HSPA4L: variants seen among roughly 807,000 people sequenced by gnomAD.
The protein encoded by HSPA4L is heat shock 70 kDa protein 4L.
A neutral mutation model predicts 100.3 loss-of-function variants in HSPA4L; 48 were observed. The observed-to-expected ratio is 0.48, with a 90% CI of 0.38 to 0.61. The LOEUF is 0.61. HSPA4L is among the 20% of genes least tolerant of loss of function. HSPA4L has a pLI of 0.00. For missense variants in HSPA4L, 886 were observed against 988.6 expected (o/e 0.90, Z 1.39); for synonymous variants, 319 against 328.2 (o/e 0.97, Z 0.30).
intron 12 of HSPA4L, chr4:127,813,253 A>T: frequency 1.2e-6 from 1 of 853,396 alleles, no homozygotes; most frequent in Non-Finnish European, 2.0e-6. Context: ...ATTTTCTTTT[A>T]TTCTATTTTA....
intron 1 of HSPA4L, among the ~76,000 whole-genome samples, chr4:127,786,136 A>G (rs1445516092): frequency 6.6e-6 from 1 of 152,174 alleles, no homozygotes; most frequent in Non-Finnish European, 1.5e-5. Flanking sequence ...AAGCATTGTC[A>G]TATGTATCAC....
intron 16 of HSPA4L, among the ~76,000 whole-genome samples, chr4:127,827,083 A>G (rs1479241949): frequency 6.6e-6 from 1 of 152,228 alleles, no homozygotes; most frequent in African/African-American, 2.4e-5. Flanking sequence ...GAAGCTAAGA[A>G]GTAATCTTAA....
intron 10 of HSPA4L, among the ~76,000 whole-genome samples, chr4:127,806,408 A>G (rs61563560): frequency 0.019 from 2,875 of 152,094 alleles, 91 homozygotes; most frequent in African/African-American, 0.064. Flanking sequence ...CAGTGTAGGA[A>G]TGGAATTGTT....
intron 12 of HSPA4L, among the ~76,000 whole-genome samples, chr4:127,812,301 C>A (rs1454729883): frequency 6.6e-6 from 1 of 150,752 alleles, no homozygotes; most frequent in Non-Finnish European, 1.5e-5. Flanking sequence ...CCCAGCTACT[C>A]AGGAGGCTGA....
intron 12 of HSPA4L, among the ~76,000 whole-genome samples, chr4:127,815,435 C>A (rs1466652988): frequency 6.6e-6 from 1 of 151,198 alleles, no homozygotes; most frequent in Non-Finnish European, 1.5e-5. Flanking sequence ...CCTATAGTTA[C>A]AGCTACTCAG....
At chr4:127,820,203 G>A (rs933741364) in intron 13 of HSPA4L, among the ~76,000 whole-genome samples, 18 of 151,958 alleles carry the variant, frequency 1.2e-4, no homozygotes, top group African/African-American at 4.3e-4. Context: ...TAATGGGTGA[G>A]AAGTAGCTAC....
chr4:127,805,845 T>C (rs751418054), intron 10 of HSPA4L, 52 bp downstream of exon 10: 1 of 1,186,134 alleles, frequency 8.4e-7, no homozygotes, highest in Non-Finnish European at 1.2e-6. Flanking sequence ...CTTTACCCAG[T>C]TAAACCTACT....
chr4:127,805,923 G>A lies in HSPA4L; in HGVS notation c.1244+130G>A, dbSNP rs1176980670. Reference sequence around the variant, plus strand: ...ATACTTTAAAATAATGTATTAAAGAGATATAAAAATGATATATCACCTATA... The same window carrying A: ...ATACTTTAAAATAATGTATTAAAGAAATATAAAAATGATATATCACCTATA... On this transcript the variant is annotated intron_variant, in intron 10 of 18. Transcript: ENST00000296464. 7 of 510,992 alleles carry A rather than the reference G, an allele frequency of 1.4e-5. No individual in the cohort carries two copies. The East Asian group carries it at 2.1e-4, about 15-fold the overall frequency. 31.7% of individuals were successfully genotyped at this position (510,992 alleles called of 1,614,324 possible). A position where few individuals can be genotyped will look rare whatever the true frequency, so the allele number is the denominator to read the frequency against.
Position 127,832,811 on chromosome 4 carries a change from A to G in HSPA4L, c.2457A>G (p.Lys819=). The change falls in exon 19 of 19, where the codon AAA becomes AAG. Residue 819 remains lysine (K), a synonymous_variant. Transcript: ENST00000296464. ...ATGGACAGAGTGGAACTGAAACTAAATCAGATTCAACAAAAGACAGCTCAC... is the reference window on the plus strand; with the variant it reads ...ATGGACAGAGTGGAACTGAAACTAAGTCAGATTCAACAAAAGACAGCTCAC... ...PMDGQSGTET[K]SDSTKDSSQH... is the part of the protein sequence containing the mutation. 1 of 1,613,618 alleles carries G rather than the reference A, an allele frequency of 6.2e-7. No homozygotes were observed. The highest frequency in any genetic ancestry group is 1.7e-4 in the Middle Eastern group (1 of 6,060).
Position 127,837,143 on chromosome 4 carries a change from T to G in HSPA4L, c.*4269T>G, listed in dbSNP as rs1330053193. On this transcript the variant is annotated 3_prime_UTR_variant, in exon 19 of 19. Transcript: ENST00000296464. ...TTTTTATAGAGATGGAGTTTTGCCA[T>G]GTTGGCCAGCCTGGTCTTGAACTCT... The G allele has an allele frequency of 6.6e-6, 1 of 152,226 alleles. No homozygotes were observed. Among genetic ancestry groups the G allele is most frequent in the South Asian group, 2.1e-4 (1 of 4,838 alleles). 9.4% of individuals were successfully genotyped at this position (152,226 alleles called of 1,614,324 possible). A position where few individuals can be genotyped will look rare whatever the true frequency, so the allele number is the denominator to read the frequency against.
At chr4:127,804,938 T>C in intron 8 of HSPA4L, 135 bp from the exon 9 acceptor site, 1 of 581,712 alleles carries the variant, frequency 1.7e-6, no homozygotes, top group Non-Finnish European at 3.0e-6. Context: ...TATATCTTTC[T>C]AAAAATTGTA....
chr4:127,826,962 C>CA (rs1287470523), intron 16 of HSPA4L, among the ~76,000 whole-genome samples: 8 of 152,086 alleles, frequency 5.3e-5, no homozygotes, highest in African/African-American at 1.9e-4. Context: ...TTCAAATCTA[C>CA]AAATTCTGCA....
At chr4:127,822,144 C>G (rs1312643465) in intron 14 of HSPA4L, among the ~76,000 whole-genome samples, 2 of 152,154 alleles carry the variant, frequency 1.3e-5, no homozygotes, top group Non-Finnish European at 2.9e-5. Flanking sequence ...ACAATTCCAT[C>G]ACCCCAAACG....
At position 127,798,689 on chromosome 4, in the gene HSPA4L, G is replaced by A. The variant is rs1434557859; in HGVS notation, c.409G>A (p.Val137Met). The change falls in exon 4 of 19, where the codon GTG (valine) becomes ATG (methionine). Residue 137 changes from valine (V) to methionine (M), a missense_variant. Physicochemically the swap from Val to Met is conservative, Grantham distance 21. Coordinates refer to ENST00000296464, the MANE Select transcript of HSPA4L (RefSeq NM_014278.4). Reference protein sequence around the residue: ...ETSENALKKPVADCVISIPSF... With the variant: ...ETSENALKKPMADCVISIPSF... ...TTCAGAAAATGCTTTGAAGAAACCA[G>A]TGGCTGACTGTGTGATTTCAGTAAG... The A allele has an allele frequency of 6.2e-7, 1 of 1,613,490 alleles. No individual in the cohort carries two copies. Among genetic ancestry groups the A allele is most frequent in the Non-Finnish European group, 8.5e-7 (1 of 1,179,706 alleles).
chr4:127,784,798 T>C (rs1017618431), intron 1 of HSPA4L, among the ~76,000 whole-genome samples: 5 of 152,250 alleles, frequency 3.3e-5, no homozygotes, highest in African/African-American at 9.6e-5. Context: ...GCAAAAAGCA[T>C]TGTAACTATT....
At chr4:127,822,389 CTTTT>C (rs1401852437) in intron 14 of HSPA4L, among the ~76,000 whole-genome samples, 1 of 152,122 alleles carries the variant, frequency 6.6e-6, no homozygotes, top group Non-Finnish European at 1.5e-5. Flanking sequence ...TGTTTATATA[CTTTT>C]TTTATTTGTT....
intron 11 of HSPA4L, 33 bp from the exon 12 acceptor site, chr4:127,811,404 T>G: frequency 6.6e-7 from 1 of 1,505,716 alleles, no homozygotes; most frequent in Non-Finnish European, 9.2e-7. Context: ...AATCTGAGGC[T>G]CACATACTGA....
At position 127,840,605 on chromosome 4, in the gene HSPA4L, A is replaced by G. The variant is rs963090666; in HGVS notation, c.*7731A>G. 1 of 152,236 alleles carries G rather than the reference A, an allele frequency of 6.6e-6. No individual in the cohort carries two copies. Among genetic ancestry groups the G allele is most frequent in the African/African-American group, 2.4e-5 (1 of 41,460 alleles). 9.4% of individuals were successfully genotyped at this position (152,236 alleles called of 1,614,324 possible). A position where few individuals can be genotyped will look rare whatever the true frequency, so the allele number is the denominator to read the frequency against. ...TATCAAAGCATATAAAATATTTTCT[A>G]TGTAAGTAAATTGCATCTTTATGCT... On this transcript the variant is annotated 3_prime_UTR_variant, in exon 19 of 19. Transcript: ENST00000296464.
chr4:127,805,985 T>A (rs575054744), intron 10 of HSPA4L, among the ~76,000 whole-genome samples, 192 bp downstream of exon 10: 21 of 152,142 alleles, frequency 1.4e-4, no homozygotes, highest in African/African-American at 5.1e-4. Context: ...TTATGTTTTT[T>A]ATAAAAGTAA....
Sources: allele counts gnomAD v4.1 joint callset (sites outside exome capture counted in the v4.1 genomes callset), GRCh38; gene constraint gnomAD v4.1.1; transcripts MANE v1.5; gene names NCBI Gene and HGNC (gene_info 2026-07-23, HGNC 2026-07-21).